CEP192: variants seen among roughly 807,000 people sequenced by gnomAD.
The protein encoded by CEP192 is centrosomal protein of 192 kDa.
Under a neutral mutation model 271.8 loss-of-function variants are expected in CEP192, and 151 were observed. The observed-to-expected ratio is 0.56, with a 90% CI of 0.49 to 0.64. The LOEUF (loss-of-function observed/expected upper bound fraction) is 0.64, where lower values mean the gene tolerates loss of function less well. Among genes scored for constraint, CEP192 ranks in the 30% least tolerant of loss-of-function variants. CEP192 has a pLI of 0.00. For missense variants in CEP192, 2,910 were observed against 3,020.5 expected, an observed-to-expected ratio of 0.96 and a Z score of 0.86; for synonymous variants, 995 against 1,076.5, an observed-to-expected ratio of 0.92 and a Z score of 1.48.
At chr18:13,106,562 A>G (rs1268202364) in intron 40 of CEP192, among the ~76,000 whole-genome samples, 2 of 144,888 alleles carry the variant, frequency 1.4e-5, no homozygotes, top group South Asian at 2.2e-4. Context: ...ACAACCCTCA[A>G]TAACAACCAC....
chr18:13,018,456 A>G, intron 7 of CEP192, 24 bp from the exon 8 acceptor site: 1 of 1,429,256 alleles, frequency 7.0e-7, no homozygotes, highest in Non-Finnish European at 9.4e-7. Flanking sequence ...AAAGATTAAT[A>G]CAGCTAAGAT....
chr18:13,089,782 C>G (rs1233749431), intron 33 of CEP192, among the ~76,000 whole-genome samples: 1 of 152,222 alleles, frequency 6.6e-6, no homozygotes, highest in South Asian at 2.1e-4. Flanking sequence ...TCTAGCTCAT[C>G]TAGCTTTTCA....
At position 13,116,438 on chromosome 18, in the gene CEP192, AC is replaced by A. The variant is rs1378899816; in HGVS notation, c.7352del (p.Thr2451IlefsTer23). 3 of 1,612,302 alleles carry A rather than the reference AC, an allele frequency of 1.9e-6. No homozygotes were observed. Among genetic ancestry groups the A allele is most frequent in the Non-Finnish European group, 2.5e-6 (3 of 1,179,464 alleles). ...AGAGGATGTGTACAGGTTCCGGCCG[AC>A]TAGTGTGGGGGAATCACGGACACTT... ...APEDVYRFRP[T>X]SVGESRTLKV... On this transcript the variant is annotated frameshift_variant, in exon 43 of 45. Transcript: ENST00000506447. LOFTEE classifies it high-confidence loss of function.
Position 13,040,933 on chromosome 18 carries a change from A to C in CEP192, c.1913A>C (p.His638Pro). The C allele has an allele frequency of 1.2e-6, 2 of 1,611,364 alleles. No individual in the cohort carries two copies. The highest frequency in any genetic ancestry group is 2.2e-5 in the South Asian group (2 of 90,422). Residue 638 changes from histidine (H) to proline (P), a missense_variant, in exon 14 of 45, where the codon CAT (histidine) becomes CCT (proline). His to Pro is a moderately conservative substitution (Grantham distance 77). Transcript: ENST00000506447. ...SRGNLEKEMAHLNHDLYSGDL... is the reference protein window; with the variant it reads ...SRGNLEKEMAPLNHDLYSGDL... Reference sequence around the variant, plus strand: ...GGTAATTTGGAAAAAGAAATGGCTCATCTTAACCATGATCTATATTCAGGT... The same window carrying C: ...GGTAATTTGGAAAAAGAAATGGCTCCTCTTAACCATGATCTATATTCAGGT...
intron 2 of CEP192, among the ~76,000 whole-genome samples, chr18:13,000,091 C>CTCTCTTTTTTTTTTTTTTTTTTTTTT (rs1555698196): frequency 2.6e-5 from 2 of 76,748 alleles, no homozygotes; most frequent in Non-Finnish European, 5.5e-5. Context: ...TGTCTTCTCT[C>CTCTCTTTTTTTTTTTTTTTTTTTTTT]TTTTTTTTTT....
In CEP192 at chr18:13,042,286, A is replaced by G. The variant is rs749617075; in HGVS notation, c.2019A>G (p.Gln673=). 6 of 1,614,032 alleles carry G rather than the reference A, an allele frequency of 3.7e-6. No individual in the cohort carries two copies. The South Asian group carries it at 6.6e-5, about 18-fold the overall frequency. The change falls in exon 15 of 45, where the codon CAA becomes CAG. Residue 673 remains glutamine (Q), a synonymous_variant. Transcript: ENST00000506447. ...LQVEAVESTS[Q]VDENDVTLTA... ...TTGAAGCAGTAGAGAGTACTTCACA[A>G]GTGGATGAAAATGATGTGACGTTAA...
chr18:13,105,149 C>A, intron 40 of CEP192, 70 bp downstream of exon 40: 3 of 1,067,900 alleles, frequency 2.8e-6, no homozygotes, highest in Non-Finnish European at 4.4e-6. Flanking sequence ...TGGATTCCAC[C>A]CATTTAGCTT....
chr18:13,019,248 A>T, intron 9 of CEP192, 42 bp downstream of exon 9: 1 of 1,446,564 alleles, frequency 6.9e-7, no homozygotes, highest in Non-Finnish European at 9.1e-7. Context: ...AAAAAAAGGA[A>T]TAAGGGGTCT....
intron 13 of CEP192, among the ~76,000 whole-genome samples, chr18:13,039,876 G>C (rs184704474): frequency 8.3e-4 from 127 of 152,292 alleles, no homozygotes; most frequent in Admixed American, 2.4e-3. Context: ...TGTGATGAAG[G>C]CTGGGGACAA....
intron 8 of CEP192, 91 bp downstream of exon 8, chr18:13,018,706 C>A: frequency 2.2e-6 from 2 of 902,656 alleles, no homozygotes; most frequent in Non-Finnish European, 3.2e-6. Context: ...TATGATTTAG[C>A]ATATATTAAC....
In CEP192 at chr18:13,068,136, G is replaced by T; in HGVS notation, c.4657G>T (p.Val1553Phe). 6.2e-7 allele frequency: 1 copy of T among 1,614,176 alleles called. No individual in the cohort carries two copies. The highest frequency in any genetic ancestry group is 1.1e-5 in the South Asian group (1 of 91,086). The part of the protein sequence containing the change: ...WRCFTFSKES[V>F]RAPVEVAPCA... ...CTGTTTCACGTTTTCCAAGGAATCC[G>T]TCCGAGCTCCTGTGGAAGTTGCTCC... The change falls in exon 23 of 45, where the codon GTC becomes TTC. Residue 1553 changes from valine (V) to phenylalanine (F), a missense_variant. Coordinates refer to ENST00000506447, the MANE Select transcript of CEP192 (RefSeq NM_032142.4).
rs1380600196 is a variant in CEP192 at position 13,041,717 on chromosome 18, A to C, written c.1937-487A>C. Among the ~76,000 whole-genome samples, 3 of 151,416 alleles carry C rather than the reference A, an allele frequency of 2.0e-5. No individual in the cohort carries two copies. In the East Asian group the frequency reaches 5.8e-4, roughly 29 times the overall value. The stretch of plus-strand genomic sequence containing the variant: ...GTAGCTGGAATCACGGGCTCACGCC[A>C]CCATGCTCAGCTAATTTTTTGTATT... On this transcript the variant is annotated intron_variant, in intron 14 of 44. Transcript: ENST00000506447.
At chr18:13,005,172 TC>T (rs1182745060) in intron 3 of CEP192, among the ~76,000 whole-genome samples, 3 of 151,932 alleles carry the variant, frequency 2.0e-5, no homozygotes, top group African/African-American at 7.3e-5. Flanking sequence ...GAGATGAGGG[TC>T]CCCACTTGTC....
At chr18:13,094,625 G>A (rs924773403) in intron 34 of CEP192, among the ~76,000 whole-genome samples, 1 of 152,198 alleles carries the variant, frequency 6.6e-6, no homozygotes, top group Non-Finnish European at 1.5e-5. Context: ...GAAGCTGAGA[G>A]TAGAGAATGG....
intron 5 of CEP192, among the ~76,000 whole-genome samples, chr18:13,013,562 G>A (rs2034481852): frequency 1.3e-5 from 2 of 152,180 alleles, no homozygotes; most frequent in Admixed American, 1.3e-4. Flanking sequence ...GTGCCAAGGG[G>A]TGGGTTGGGA....
At chr18:13,037,191 G>T (rs1159873117) in intron 11 of CEP192, 46 bp from the exon 12 acceptor site, 1 of 780,136 alleles carries the variant, frequency 1.3e-6, no homozygotes, top group Non-Finnish European at 2.2e-6. Flanking sequence ...GCTAGTGTTT[G>T]TTTAGGCATT....
At chr18:13,117,782 C>T (rs1358412644) in intron 44 of CEP192, 139 bp downstream of exon 44, 6 of 600,974 alleles carry the variant, frequency 1.0e-5, no homozygotes, top group Middle Eastern at 2.7e-4. Flanking sequence ...GCAGAGTCTC[C>T]GCAAGTAGAA....
intron 5 of CEP192, among the ~76,000 whole-genome samples, chr18:13,014,137 C>G (rs1230327427): frequency 2.6e-5 from 4 of 152,228 alleles, no homozygotes; most frequent in African/African-American, 4.8e-5. Flanking sequence ...TGACCCTGCC[C>G]TATGCACTCA....
At chr18:13,071,463 A>C (rs200526447) in intron 28 of CEP192, among the ~76,000 whole-genome samples, 1 of 152,172 alleles carries the variant, frequency 6.6e-6, no homozygotes, top group East Asian at 1.9e-4. Flanking sequence ...CCTTAAATTC[A>C]CTGCCACTCT....
Sources: gnomAD v4.1 joint callset for allele counts (sites outside exome capture counted in the v4.1 genomes callset) on GRCh38, gnomAD v4.1.1 for gene constraint, MANE v1.5 for transcripts, NCBI Gene and HGNC (gene_info 2026-07-23, HGNC 2026-07-21) for gene names.